The following RAB27B variants were observed in gnomAD, a reference collection of about 807,000 sequenced individuals.
RAB27B encodes the protein RAB27B, member RAS oncogene family.
A neutral mutation model predicts 24.6 loss-of-function variants in RAB27B; 15 were observed. That is an observed-to-expected ratio of 0.61 (90% CI 0.41 to 0.94). The LOEUF (loss-of-function observed/expected upper bound fraction) is 0.94. RAB27B is among the 40% of genes least tolerant of loss of function. The pLI is 0.00. For missense variants in RAB27B, 261 were observed against 266.8 expected (o/e 0.98, Z 0.15); for synonymous variants, 105 against 92.5 (o/e 1.14, Z -0.78).
At chr18:54,886,156 T>C (rs1047432665) in intron 4 of RAB27B, among the ~76,000 whole-genome samples, 1 of 152,136 alleles carries the variant, frequency 6.6e-6, no homozygotes, top group African/African-American at 2.4e-5. Context: ...ATTTGTCTCT[T>C]GACTGACCAC....
At chr18:54,807,270 A>G (rs1367988402) in intron 2 of RAB27B, among the ~76,000 whole-genome samples, 1 of 152,326 alleles carries the variant, frequency 6.6e-6, no homozygotes, top group East Asian at 1.9e-4. Flanking sequence ...TTTTAATTTC[A>G]GTATTTTTTC....
chr18:54,814,427 A>G (rs763859955), intron 2 of RAB27B, among the ~76,000 whole-genome samples: 2 of 152,230 alleles, frequency 1.3e-5, no homozygotes, highest in African/African-American at 2.4e-5. Flanking sequence ...AGGGAAATCT[A>G]TGGCTTTTCT....
chr18:54,757,122 C>T (rs73959290), intron 2 of RAB27B, among the ~76,000 whole-genome samples: 8,443 of 152,142 alleles, frequency 0.055, 300 homozygotes, highest in Admixed American at 0.085. Flanking sequence ...CAGGAGTAGG[C>T]CAAAGTCTCA....
At chr18:54,838,516 C>T (rs955067710) in intron 1 of RAB27B, among the ~76,000 whole-genome samples, 1 of 152,084 alleles carries the variant, frequency 6.6e-6, no homozygotes, top group Non-Finnish European at 1.5e-5. Context: ...ATAATTAGTA[C>T]GAGAACATAT....
At chr18:54,808,102 A>G (rs1009095199) in intron 2 of RAB27B, among the ~76,000 whole-genome samples, 2 of 152,250 alleles carry the variant, frequency 1.3e-5, no homozygotes, top group African/African-American at 4.8e-5. Context: ...TACATATTAT[A>G]TAATTTTGAA....
intron 1 of RAB27B, among the ~76,000 whole-genome samples, chr18:54,875,332 A>G (rs1912649413): frequency 6.6e-6 from 1 of 152,116 alleles, no homozygotes; most frequent in African/African-American, 2.4e-5. Context: ...GTCTTCTCCA[A>G]AAACAAATTT....
intron 2 of RAB27B, among the ~76,000 whole-genome samples, chr18:54,812,424 G>T (rs1025562424): frequency 2.0e-5 from 3 of 152,050 alleles, no homozygotes; most frequent in African/African-American, 4.8e-5. Flanking sequence ...TTGCCAAATT[G>T]CTTTGGATGA....
At position 54,892,450 on chromosome 18, in the gene RAB27B, C is replaced by T. The variant is rs1244040038; in HGVS notation, c.*3037C>T. On this transcript the variant is annotated 3_prime_UTR_variant, in exon 6 of 6. Transcript: ENST00000262094. The stretch of plus-strand genomic sequence containing the variant: ...AATCTGGAGAGTTTAACTGCCTTCT[C>T]TTGGTCTCCTCACTTACTTCTTATG... The T allele has an allele frequency of 6.6e-6, 1 of 152,048 alleles. No individual in the cohort carries two copies. Among genetic ancestry groups the T allele is most frequent in the African/African-American group, 2.4e-5 (1 of 41,424 alleles). The allele number at this position is 152,048 out of a possible 1,614,324, so 9.4% of individuals were successfully genotyped here.
intron 2 of RAB27B, among the ~76,000 whole-genome samples, chr18:54,816,943 G>A (rs543305176): frequency 6.6e-6 from 1 of 151,962 alleles, no homozygotes; most frequent in Non-Finnish European, 1.5e-5. Context: ...TATCATTATG[G>A]CTCAAGAAAT....
chr18:54,832,908 A>C (rs184097431), intron 1 of RAB27B, among the ~76,000 whole-genome samples: 121 of 152,334 alleles, frequency 7.9e-4, no homozygotes, highest in East Asian at 5.4e-3. Context: ...AAAAATTCTG[A>C]AAATAGCATT....
At chr18:54,856,617 A>T (rs1222515170) in intron 1 of RAB27B, among the ~76,000 whole-genome samples, 1 of 152,178 alleles carries the variant, frequency 6.6e-6, no homozygotes, top group Non-Finnish European at 1.5e-5. Context: ...AGAGAGTGAA[A>T]GTGGGTGCCA....
chr18:54,868,834 C>T (rs1206909502), intron 1 of RAB27B, among the ~76,000 whole-genome samples: 5 of 152,040 alleles, frequency 3.3e-5, no homozygotes, highest in South Asian at 2.1e-4. Flanking sequence ...ACCATGTTGG[C>T]GAGGCTGGTC....
chr18:54,772,846 T>C (rs1908593875), intron 2 of RAB27B, among the ~76,000 whole-genome samples: 1 of 152,228 alleles, frequency 6.6e-6, no homozygotes, highest in Non-Finnish European at 1.5e-5. Context: ...CATTGCATGC[T>C]GTCCTTCATG....
intron 2 of RAB27B, among the ~76,000 whole-genome samples, chr18:54,804,595 CCAACGGTGT>C (rs2145135641): frequency 6.6e-6 from 1 of 152,236 alleles, no homozygotes; most frequent in African/African-American, 2.4e-5. Flanking sequence ...CCTGTAATCT[CCAACGGTGT>C]CAAGATCATG....
intron 2 of RAB27B, among the ~76,000 whole-genome samples, chr18:54,766,258 C>G (rs1159988454): frequency 2.0e-5 from 3 of 152,018 alleles, no homozygotes. Context: ...CAACAGGAAA[C>G]ACAGTAAATG....
At chr18:54,831,111 G>A (rs1009921595) in intron 1 of RAB27B, among the ~76,000 whole-genome samples, 2 of 152,162 alleles carry the variant, frequency 1.3e-5, no homozygotes, top group Non-Finnish European at 1.5e-5. Flanking sequence ...AGCAAGAAGT[G>A]CTCAGCAGAG....
At chr18:54,807,494 AT>A (rs1909828866) in intron 2 of RAB27B, among the ~76,000 whole-genome samples, 1 of 152,196 alleles carries the variant, frequency 6.6e-6, no homozygotes, top group Non-Finnish European at 1.5e-5. Flanking sequence ...AGGATTGAAC[AT>A]GATAACTTGA....
intron 2 of RAB27B, among the ~76,000 whole-genome samples, chr18:54,741,135 A>G (rs984709439): frequency 6.6e-6 from 1 of 152,214 alleles, no homozygotes; most frequent in Admixed American, 6.5e-5. Flanking sequence ...ATACAGTTAA[A>G]TGTTACTAAG....
At chr18:54,817,595 T>C (rs1780065373) in intron 2 of RAB27B, among the ~76,000 whole-genome samples, 1 of 152,156 alleles carries the variant, frequency 6.6e-6, no homozygotes, top group African/African-American at 2.4e-5. Flanking sequence ...CTTAGAGCCA[T>C]CTATCCAAGT....
Sources: allele counts gnomAD v4.1 joint callset (sites outside exome capture counted in the v4.1 genomes callset), GRCh38; gene constraint gnomAD v4.1.1; transcripts MANE v1.5; gene names NCBI Gene and HGNC (gene_info 2026-07-23, HGNC 2026-07-21).